Variants in IARS1 observed in about 807,000 individuals in gnomAD.
IARS1 encodes the protein isoleucine--tRNA ligase, cytoplasmic.
A neutral mutation model predicts 168.2 loss-of-function variants in IARS1; 124 were observed. The observed-to-expected ratio is 0.74, with a 90% CI of 0.64 to 0.86. The LOEUF (loss-of-function observed/expected upper bound fraction) is 0.86, where lower values mean the gene tolerates loss of function less well. Ranked by LOEUF, IARS1 falls within the 40% of genes least tolerant of loss-of-function variation. The pLI is 0.00. For missense variants in IARS1, 1,452 were observed against 1,515.8 expected, an observed-to-expected ratio of 0.96 and a Z score of 0.70; for synonymous variants, 532 against 529.4, an observed-to-expected ratio of 1.00 and a Z score of -0.07.
intron 1 of IARS1, chr9:92,292,689 C>A (rs368742796): frequency 2.6e-5 from 4 of 153,464 alleles, no homozygotes; most frequent in African/African-American, 9.8e-5. Flanking sequence ...GCCCTTGACT[C>A]TTCGCTGCTC....
intron 22 of IARS1, among the ~76,000 whole-genome samples, chr9:92,251,498 G>C (rs1399137852): frequency 6.6e-6 from 1 of 152,088 alleles, no homozygotes; most frequent in Non-Finnish European, 1.5e-5. Flanking sequence ...TCACAATTAT[G>C]GCAATCCACA....
intron 19 of IARS1, among the ~76,000 whole-genome samples, chr9:92,258,048 G>A (rs1289815032): frequency 1.3e-5 from 2 of 152,106 alleles, no homozygotes; most frequent in African/African-American, 4.8e-5. Flanking sequence ...TATTATATGT[G>A]ACCCTAACAA....
intron 7 of IARS1, among the ~76,000 whole-genome samples, chr9:92,279,618 A>G (rs1834251788): frequency 6.6e-6 from 1 of 152,246 alleles, no homozygotes; most frequent in Non-Finnish European, 1.5e-5. Flanking sequence ...TCCCTTGCCA[A>G]CACAAGCTAT....
chr9:92,271,210 A>G, intron 11 of IARS1, 134 bp from the exon 12 acceptor site: 1 of 609,892 alleles, frequency 1.6e-6, no homozygotes, highest in Non-Finnish European at 2.7e-6. Flanking sequence ...TTAGTCACTA[A>G]CTTTAAGTAA....
chr9:92,265,476 T>C lies in IARS1; in HGVS notation c.1505+4A>G, dbSNP rs1199190572. 1.9e-6 allele frequency: 3 copies of C among 1,612,838 alleles called. No homozygotes were observed. Among genetic ancestry groups the C allele is most frequent in the Non-Finnish European group, 1.7e-6 (2 of 1,178,966 alleles). ...TGAAGTGAATCGAACATTTAGAAAC[T>C]GACCTCTCTCTGTGGAGATCTGAGA... On this transcript the variant is annotated splice_donor_region_variant and intron_variant, in intron 15 of 33. Transcript: ENST00000443024.
At chr9:92,258,511 A>G (rs1470646140) in intron 19 of IARS1, among the ~76,000 whole-genome samples, 1 of 152,192 alleles carries the variant, frequency 6.6e-6, no homozygotes, top group Non-Finnish European at 1.5e-5. Flanking sequence ...CAGTGCCTCA[A>G]CCCAGGAGGC....
At chr9:92,222,272 C>T (rs985184872) in intron 33 of IARS1, among the ~76,000 whole-genome samples, 41 of 125,024 alleles carry the variant, frequency 3.3e-4, no homozygotes, top group African/African-American at 1.1e-3. Flanking sequence ...ACCCAGGAGG[C>T]GGAGGTTGCA....
rs747054053 is a variant in IARS1, at chr9:92,242,210, A to G, written c.3121T>C (p.Leu1041=). Residue 1041 remains leucine (L), a synonymous_variant, in exon 29 of 34, where the codon TTG becomes CTG. Transcript: ENST00000443024. The part of the protein sequence containing the change: ...EFIFTTIKAP[L]KPYPVSPSDK... ...GATGGAGAAACTGGATATGGTTTCA[A>G]GGGAGCCTTTATGGTGGTAAATATG... 1 of 1,614,036 alleles carries G rather than the reference A, an allele frequency of 6.2e-7. No homozygotes were observed. Among genetic ancestry groups the G allele is most frequent in the Non-Finnish European group, 8.5e-7 (1 of 1,179,982 alleles).
At chr9:92,254,009 T>C (rs552586076) in intron 20 of IARS1, 1 of 408,662 alleles carries the variant, frequency 2.4e-6, no homozygotes, top group African/African-American at 2.0e-5. Flanking sequence ...GCTACTGGAA[T>C]CTAATGGGTA....
intron 31 of IARS1, among the ~76,000 whole-genome samples, chr9:92,225,289 G>C (rs548177894): frequency 6.6e-6 from 1 of 152,312 alleles, no homozygotes; most frequent in East Asian, 1.9e-4. Context: ...AGCATCGCTT[G>C]ACCAGAGAAC....
intron 31 of IARS1, 82 bp downstream of exon 31, chr9:92,228,919 A>G: frequency 5.2e-6 from 8 of 1,531,088 alleles, no homozygotes; most frequent in Non-Finnish European, 7.1e-6. Context: ...CAAAAGTTGT[A>G]TAGTACAACT....
chr9:92,253,554 A>C, intron 20 of IARS1, 101 bp from the exon 21 acceptor site: 1 of 725,070 alleles, frequency 1.4e-6, no homozygotes, highest in East Asian at 2.5e-5. Context: ...CCTTCCATCC[A>C]AGTGCCTCCA....
intron 33 of IARS1, among the ~76,000 whole-genome samples, chr9:92,216,706 T>A (rs1838763082): frequency 8.2e-6 from 1 of 122,104 alleles, no homozygotes; most frequent in Non-Finnish European, 1.7e-5. Flanking sequence ...AGGGATCAAT[T>A]CAACAAGAAG....
At chr9:92,259,082 T>A in intron 18 of IARS1, 84 bp from the exon 19 acceptor site, 1 of 1,205,312 alleles carries the variant, frequency 8.3e-7, no homozygotes, top group South Asian at 1.7e-5. Flanking sequence ...GAGAGCAAGA[T>A]GAAAATCAGT....
intron 2 of IARS1, 122 bp downstream of exon 2, chr9:92,289,179 C>G (rs926665690): frequency 3.8e-6 from 2 of 530,982 alleles, no homozygotes. Context: ...TGCCCTCCAG[C>G]CTGGATGACA....
Position 92,222,657 on chromosome 9 carries a change from GT to G in IARS1, c.3568del (p.Thr1190GlnfsTer36). On this transcript the variant is annotated frameshift_variant, in exon 33 of 34. Coordinates refer to ENST00000443024, the MANE Select transcript of IARS1 (RefSeq NM_002161.6). LOFTEE classifies it high-confidence loss of function. ...GTTTTCAAGCAGGAGAGTGCCCACT[GT>G]CCCCATTAAACACTCTGTGGAAGAC... ...NAKPQECLMGTVGTLLLENPL... is the reference protein window; with the variant it reads ...NAKPQECLMGXVGTLLLENPL... 1 of 1,614,028 alleles carries G rather than the reference GT, an allele frequency of 6.2e-7. No individual in the cohort carries two copies. The highest frequency in any genetic ancestry group is 8.5e-7 in the Non-Finnish European group (1 of 1,179,988).
intron 33 of IARS1, among the ~76,000 whole-genome samples, chr9:92,217,748 C>T (rs1057460986): frequency 6.6e-6 from 1 of 152,100 alleles, no homozygotes; most frequent in Non-Finnish European, 1.5e-5. Context: ...TCTGAATAGA[C>T]CAATAACAGA....
intron 4 of IARS1, among the ~76,000 whole-genome samples, chr9:92,286,819 A>G (rs878901740): frequency 6.6e-6 from 1 of 152,256 alleles, no homozygotes; most frequent in Admixed American, 6.5e-5. Context: ...CATGCACAAA[A>G]TGTTATTTAC....
intron 33 of IARS1, among the ~76,000 whole-genome samples, chr9:92,216,617 G>A (rs1315368985): frequency 7.4e-6 from 1 of 134,674 alleles, no homozygotes; most frequent in Non-Finnish European, 1.6e-5. Flanking sequence ...GGCAGGGGTT[G>A]CAATCCTAGT....
Sources: gnomAD v4.1 joint callset for allele counts (sites outside exome capture counted in the v4.1 genomes callset) on GRCh38, gnomAD v4.1.1 for gene constraint, MANE v1.5 for transcripts, NCBI Gene and HGNC (gene_info 2026-07-23, HGNC 2026-07-21) for gene names.